FAM186A: variants seen among roughly 807,000 people sequenced by gnomAD.
FAM186A encodes family with sequence similarity 186 member A.
In FAM186A, 163 loss-of-function variants were observed where a neutral mutation model predicts 216.8. That is an observed-to-expected ratio of 0.75 (90% confidence interval 0.66 to 0.86). FAM186A has a LOEUF of 0.86. Among genes scored for constraint, FAM186A ranks in the 40% least tolerant of loss-of-function variants. The pLI is 0.00. For synonymous variants in FAM186A, 805 were observed against 1,025.3 expected (o/e 0.79, Z 4.10); for missense variants, 2,184 against 2,746.2 (o/e 0.80, Z 4.58).
chr12:50,360,782 T>C lies in FAM186A; in HGVS notation c.557A>G (p.Glu186Gly). 1.3e-6 allele frequency: 2 copies of C among 1,540,944 alleles called. No homozygotes were observed. Among genetic ancestry groups the C allele is most frequent in the Non-Finnish European group, 1.7e-6 (2 of 1,143,894 alleles). Residue 186 changes from glutamate to glycine, a missense_variant, in exon 3 of 8, where the codon GAA becomes GGA. Physicochemically the swap from Glu to Gly is moderately conservative, Grantham distance 98 (BLOSUM62 -2). This residue lies in a region of FAM186A where 1,132 missense variants were observed against 1,263.4 expected (regional missense o/e 0.90). Coordinates refer to ENST00000327337, the MANE Select transcript of FAM186A (RefSeq NM_001145475.3). ...TATTTTTTTCTTTTGTTTCTTCTTT[T>C]CGTCGAGGAAAGATGTACTAAATCT... Reference protein sequence around the residue: ...LSRFSTSFLDEKKKQKKKILS... With the variant: ...LSRFSTSFLDGKKKQKKKILS...
intron 1 of FAM186A, among the ~76,000 whole-genome samples, chr12:50,387,164 C>A (rs1197146752): frequency 6.6e-6 from 1 of 152,136 alleles, no homozygotes; most frequent in Non-Finnish European, 1.5e-5. Context: ...AAGCCTCAGT[C>A]CCCAAAACTG....
chr12:50,335,037 G>A (rs1942693871), intron 4 of FAM186A, among the ~76,000 whole-genome samples: 1 of 151,974 alleles, frequency 6.6e-6, no homozygotes, highest in African/African-American at 2.4e-5. Context: ...TGAGGTGGGA[G>A]GATCGCTTGA....
At chr12:50,386,227 G>A (rs535803104) in intron 1 of FAM186A, among the ~76,000 whole-genome samples, 79 of 150,768 alleles carry the variant, frequency 5.2e-4, no homozygotes, top group African/African-American at 1.8e-3. Flanking sequence ...TCAGGAGATC[G>A]AGATCAGCCT....
At chr12:50,328,498 GTTTTATTTTTTATTTTA>G (rs765920098) in intron 7 of FAM186A, among the ~76,000 whole-genome samples, 11 of 151,648 alleles carry the variant, frequency 7.3e-5, no homozygotes, top group Non-Finnish European at 1.2e-4. Context: ...CATATAGTAG[GTTTTATTTTTTATTTTA>G]TTTTATTTTT....
At chr12:50,359,576 C>A (rs1943012250) in intron 3 of FAM186A, among the ~76,000 whole-genome samples, 1 of 151,830 alleles carries the variant, frequency 6.6e-6, no homozygotes. Flanking sequence ...AGCTATCTAC[C>A]CCCCCAAAAA....
rs974842280 is a variant in FAM186A, at chr12:50,365,736, A to G, written c.193-2372T>C. On this transcript the variant is annotated intron_variant, in intron 1 of 7. Coordinates refer to ENST00000327337, the MANE Select transcript of FAM186A (RefSeq NM_001145475.3). ...TACACCTTCCCACATTCGCAGGAAG[A>G]TTATGTCTTCCCCTCTTTCCGAAGA... 19 of 753,814 alleles carry G rather than the reference A, an allele frequency of 2.5e-5. No homozygotes were observed. In the African/African-American group the frequency reaches 3.2e-4, roughly 13 times the overall value. The allele number at this position is 753,814 out of a possible 1,614,324, so 46.7% of individuals were successfully genotyped here.
At chr12:50,333,396 G>A (rs1198085975) in intron 5 of FAM186A, among the ~76,000 whole-genome samples, 2 of 152,154 alleles carry the variant, frequency 1.3e-5, no homozygotes, top group African/African-American at 2.4e-5. Flanking sequence ...GCTGGGCATG[G>A]TGGTGGGCGC....
At chr12:50,371,153 C>T (rs1357924035) in intron 1 of FAM186A, among the ~76,000 whole-genome samples, 5 of 151,892 alleles carry the variant, frequency 3.3e-5, no homozygotes, top group African/African-American at 1.2e-4. Context: ...GAATCTTACT[C>T]TGTCACCTAG....
rs139768329 is a variant in FAM186A, at chr12:50,392,995, T to C, written c.192+3298A>G. The stretch of plus-strand genomic sequence containing the variant: ...AGGCTGGAGTGCGGTGGCGCAATCT[T>C]GGCTCACTGCAAGCTCTGCCTCCCG... On this transcript the variant is annotated intron_variant, in intron 1 of 7. Coordinates refer to ENST00000327337, the MANE Select transcript of FAM186A (RefSeq NM_001145475.3). Among the ~76,000 whole-genome samples the C allele has an allele frequency of 5.1e-3, 772 of 150,296 alleles. 10 individuals are homozygous for C. The highest frequency in any genetic ancestry group is 0.018 in the African/African-American group (727 of 40,974).
intron 7 of FAM186A, among the ~76,000 whole-genome samples, chr12:50,330,363 G>A (rs1268699633): frequency 6.6e-6 from 1 of 152,132 alleles, no homozygotes; most frequent in African/African-American, 2.4e-5. Context: ...ACATTATTCA[G>A]TGGTGACATC....
In FAM186A at chr12:50,354,615, T is replaced by G. The variant is rs1942952568; in HGVS notation, c.2217A>C (p.Thr739=). 6.5e-7 allele frequency: 1 copy of G among 1,547,724 alleles called. No individual in the cohort carries two copies. Among genetic ancestry groups the G allele is most frequent in the East Asian group, 2.4e-5 (1 of 40,892 alleles). ...TCTCTCCAACTTGTTCTTCCTTTTTTGTATCTTTGTATTTTCTCAAGATTT... is the reference window on the plus strand; with the variant it reads ...TCTCTCCAACTTGTTCTTCCTTTTTGGTATCTTTGTATTTTCTCAAGATTT... ...VTKILRKYKD[T]KKEEQVGEKP... is the part of the protein sequence containing the mutation. The change falls in exon 4 of 8, where the codon ACA becomes ACC. Residue 739 remains threonine, a synonymous_variant. Coordinates refer to ENST00000327337, the MANE Select transcript of FAM186A (RefSeq NM_001145475.3).
chr12:50,372,381 C>G (rs1465389396), intron 1 of FAM186A, among the ~76,000 whole-genome samples: 1 of 149,560 alleles, frequency 6.7e-6, no homozygotes, highest in East Asian at 2.1e-4. Context: ...ATCATGAGGT[C>G]AGGCGTTCAA....
chr12:50,382,379 G>A (rs1421187802), intron 1 of FAM186A, among the ~76,000 whole-genome samples: 1 of 151,888 alleles, frequency 6.6e-6, no homozygotes. Flanking sequence ...TGTCACTTTA[G>A]CATGCTTTTT....
intron 4 of FAM186A, among the ~76,000 whole-genome samples, chr12:50,336,069 G>A (rs1942705144): frequency 6.7e-6 from 1 of 149,586 alleles, no homozygotes; most frequent in Admixed American, 6.7e-5. Flanking sequence ...AGGTTGCAGT[G>A]AGCCGAGACC....
intron 5 of FAM186A, among the ~76,000 whole-genome samples, chr12:50,332,802 C>T (rs1445246580): frequency 4.6e-5 from 7 of 151,982 alleles, no homozygotes; most frequent in East Asian, 1.9e-4. Flanking sequence ...CTGCCATGGG[C>T]GGTTCACTTG....
chr12:50,335,424 T>A (rs1044067130), intron 4 of FAM186A, among the ~76,000 whole-genome samples: 2 of 151,982 alleles, frequency 1.3e-5, no homozygotes, highest in Non-Finnish European at 2.9e-5. Context: ...GGCTGGTGGA[T>A]CACAAGGTCA....
chr12:50,354,994 G>A lies in FAM186A; in HGVS notation c.1838C>T (p.Ser613Phe), dbSNP rs1174711619. 1 of 1,551,310 alleles carries A rather than the reference G, an allele frequency of 6.4e-7. No homozygotes were observed. Among genetic ancestry groups the A allele is most frequent in the East Asian group, 2.4e-5 (1 of 40,918 alleles). ...GKIKGKKHHI[S>F]SGTITSKEEK... Reference sequence around the variant, plus strand: ...TTCTTTGCTTGTGATAGTTCCTGAAGAGATATGGTGTTTCTTTCCTTTTAT... The same window carrying A: ...TTCTTTGCTTGTGATAGTTCCTGAAAAGATATGGTGTTTCTTTCCTTTTAT... The change falls in exon 4 of 8, where the codon TCT becomes TTT. Residue 613 changes from serine (S) to phenylalanine (F), a missense_variant. Ser to Phe is a radical substitution (Grantham distance 155, BLOSUM62 -2). Coordinates refer to ENST00000327337, the MANE Select transcript of FAM186A (RefSeq NM_001145475.3).
intron 1 of FAM186A, among the ~76,000 whole-genome samples, chr12:50,387,486 C>T (rs551756395): frequency 1.8e-4 from 27 of 152,244 alleles, no homozygotes; most frequent in African/African-American, 6.3e-4. Flanking sequence ...AAAAACAGCA[C>T]TCTCAATAAA....
At chr12:50,329,076 C>T (rs1474121285) in intron 7 of FAM186A, among the ~76,000 whole-genome samples, 1 of 152,090 alleles carries the variant, frequency 6.6e-6, no homozygotes, top group Non-Finnish European at 1.5e-5. Flanking sequence ...GCCAAGATTG[C>T]ACCACTGCAC....
Sources: allele counts gnomAD v4.1 joint callset (sites outside exome capture counted in the v4.1 genomes callset), GRCh38; gene constraint gnomAD v4.1.1; regional missense constraint gnomAD v4.1.1; transcripts MANE v1.5; gene names NCBI Gene and HGNC (gene_info 2026-07-23, HGNC 2026-07-21).